Variants in RGPD2 observed in about 807,000 individuals in gnomAD.
RGPD2 encodes the protein RANBP2 like and GRIP domain containing 2.
A neutral mutation model predicts 36.0 loss-of-function variants in RGPD2; 2 were observed. The observed-to-expected ratio is 0.06, with a 90% CI of 0.02 to 0.17. RGPD2 has a LOEUF of 0.17. RGPD2 is among the 10% of genes least tolerant of loss of function. The pLI is 1.00. For missense variants in RGPD2, 40 were observed against 464.3 expected (o/e 0.09, Z 8.40); for synonymous variants, 19 against 163.8 (o/e 0.12, Z 6.75).
chr2:87,760,807 C>T (rs1684866343), intron 22 of RGPD2, among the ~76,000 whole-genome samples: 2 of 118,646 alleles, frequency 1.7e-5, no homozygotes, highest in Non-Finnish European at 1.8e-5. Flanking sequence ...TTAGTAGAGA[C>T]AGGGTTTCAC....
At chr2:87,831,025 A>G in the RGPD2 span, among the ~76,000 whole-genome samples, 1 of 152,240 alleles carries the variant, frequency 6.6e-6, no homozygotes, top group Non-Finnish European at 1.5e-5. Flanking sequence ...TTATTTTTGC[A>G]TGAAATAAAA....
chr2:87,988,543 T>TATATATATATATATA, the RGPD2 span, among the ~76,000 whole-genome samples: 60 of 27,784 alleles, frequency 2.2e-3, no homozygotes, highest in East Asian at 0.071. Context: ...ATATATATAT[T>TATATATATATATATA]TTTTTTTTTT....
chr2:87,836,435 G>A, the RGPD2 span, among the ~76,000 whole-genome samples: 1 of 151,844 alleles, frequency 6.6e-6, no homozygotes, highest in South Asian at 2.1e-4. Context: ...AGAAGAGACT[G>A]GGGACCTATA....
upstream of RGPD2, among the ~76,000 whole-genome samples, chr2:87,826,576 A>G (rs1686818040): frequency 1.7e-4 from 1 of 5,888 alleles, no homozygotes; most frequent in Non-Finnish European, 3.9e-4. Context: ...TATGTAATTA[A>G]GTTCATATAT....
At chr2:87,857,762 C>T in the RGPD2 span, among the ~76,000 whole-genome samples, 1 of 146,996 alleles carries the variant, frequency 6.8e-6, no homozygotes, top group South Asian at 2.1e-4. Flanking sequence ...CACGGTGAAA[C>T]CCCATCTCTA....
intron 1 of RGPD2, among the ~76,000 whole-genome samples, chr2:87,823,648 GA>G (rs1418687024): frequency 8.9e-6 from 1 of 112,478 alleles, no homozygotes; most frequent in Non-Finnish European, 1.8e-5. Flanking sequence ...AAAAAAAAAA[GA>G]AAACAAAATG....
chr2:87,961,395 C>A, the RGPD2 span, among the ~76,000 whole-genome samples: 1 of 151,782 alleles, frequency 6.6e-6, no homozygotes, highest in Non-Finnish European at 1.5e-5. Context: ...TTGGCAGCAC[C>A]CTGTGCTCTG....
the RGPD2 span, among the ~76,000 whole-genome samples, chr2:87,905,569 G>A: frequency 6.6e-6 from 1 of 151,564 alleles, no homozygotes; most frequent in East Asian, 1.9e-4. Context: ...ATCATTTTTA[G>A]TAAATTTACA....
the RGPD2 span, among the ~76,000 whole-genome samples, chr2:87,897,083 A>G: frequency 1.1e-4 from 17 of 152,384 alleles, no homozygotes; most frequent in African/African-American, 4.1e-4. Flanking sequence ...AATGTGTTTC[A>G]GGAGTTGCCT....
chr2:87,961,889 G>A, the RGPD2 span, among the ~76,000 whole-genome samples: 5 of 146,906 alleles, frequency 3.4e-5, no homozygotes, highest in Admixed American at 6.8e-5. Flanking sequence ...ACAGCCATTC[G>A]CCTGGCACAG....
At chr2:87,937,300 G>A in the RGPD2 span, among the ~76,000 whole-genome samples, 1 of 151,736 alleles carries the variant, frequency 6.6e-6, no homozygotes, top group East Asian at 1.9e-4. Flanking sequence ...GAGAAGTGAA[G>A]GTAACTTAGA....
the RGPD2 span, among the ~76,000 whole-genome samples, chr2:87,940,600 C>T: frequency 7.6e-6 from 1 of 131,622 alleles, no homozygotes; most frequent in Non-Finnish European, 1.7e-5. Context: ...TACAAACAAG[C>T]AACGGGAGTT....
the RGPD2 span, among the ~76,000 whole-genome samples, chr2:87,855,277 G>T: frequency 6.6e-6 from 1 of 151,950 alleles, no homozygotes; most frequent in Non-Finnish European, 1.5e-5. Flanking sequence ...GTATGGTAGC[G>T]CTATGTTTAG....
At chr2:87,971,486 T>TAAATA in the RGPD2 span, among the ~76,000 whole-genome samples, 1 of 132,124 alleles carries the variant, frequency 7.6e-6, no homozygotes, top group African/African-American at 2.8e-5. Flanking sequence ...GAATATATTA[T>TAAATA]TATCTTCTCT....
At chr2:87,866,222 G>GT in the RGPD2 span, among the ~76,000 whole-genome samples, 362 of 148,610 alleles carry the variant, frequency 2.4e-3, no homozygotes, top group African/African-American at 8.3e-3. Flanking sequence ...TGGAAAATTT[G>GT]TTTTTTTTGT....
the RGPD2 span, among the ~76,000 whole-genome samples, chr2:87,893,302 T>C: frequency 6.6e-6 from 1 of 151,062 alleles, no homozygotes; most frequent in Non-Finnish European, 1.5e-5. Context: ...AAAGACCTTT[T>C]AATATTATTT....
At chr2:87,858,146 T>C in the RGPD2 span, among the ~76,000 whole-genome samples, 23 of 152,216 alleles carry the variant, frequency 1.5e-4, no homozygotes, top group Non-Finnish European at 2.9e-4. Flanking sequence ...GGCATGGTGG[T>C]GCGTGCCTGT....
rs1684729364 is a variant in RGPD2, at chr2:87,756,572, C to T, written c.*820G>A. ...CCAAGCCTCTGGCTGCACTGTGCCCCGTGTGTCCCCAGCATCCTGGTGGGG... is the reference window on the plus strand; with the variant it reads ...CCAAGCCTCTGGCTGCACTGTGCCCTGTGTGTCCCCAGCATCCTGGTGGGG... On this transcript the variant is annotated 3_prime_UTR_variant, in exon 23 of 23. Coordinates refer to ENST00000398146, the MANE Select transcript of RGPD2 (RefSeq NM_001078170.3). The T allele has an allele frequency of 1.1e-5, 4 of 359,410 alleles. No individual in the cohort carries two copies. The highest frequency in any genetic ancestry group is 2.1e-5 in the Non-Finnish European group (4 of 188,374). The allele number at this position is 359,410 out of a possible 1,614,324, so 22.3% of individuals were successfully genotyped here.
chr2:87,962,130 G>A, the RGPD2 span, among the ~76,000 whole-genome samples: 1 of 145,934 alleles, frequency 6.9e-6, no homozygotes, highest in Non-Finnish European at 1.5e-5. Flanking sequence ...ATAATGTAAA[G>A]ATTTTCAGCC....
Sources: allele counts gnomAD v4.1 joint callset (sites outside exome capture counted in the v4.1 genomes callset), GRCh38; gene constraint gnomAD v4.1.1; transcripts MANE v1.5; gene names NCBI Gene and HGNC (gene_info 2026-07-23, HGNC 2026-07-21).